The following BLACAT1 variants were observed in gnomAD, a reference collection of about 807,000 sequenced individuals.
The protein encoded by BLACAT1 is BLACAT1 overlapping LEMD1 locus.
intron 1 of BLACAT1, among the ~76,000 whole-genome samples, chr1:205,453,636 C>T (rs559685511): frequency 1.3e-5 from 2 of 152,228 alleles, no homozygotes; most frequent in East Asian, 3.9e-4. Flanking sequence ...ATGAAGATAG[C>T]AAGAGACCCA....
At chr1:205,435,414 T>C (rs927896085), downstream of BLACAT1, 2 of 152,240 alleles carry the variant, frequency 1.3e-5, no homozygotes, top group Non-Finnish European at 2.9e-5. Flanking sequence ...GATTGAAATG[T>C]GGCCATCTTG....
intron 1 of BLACAT1, among the ~76,000 whole-genome samples, chr1:205,453,008 G>A (rs1246666413): frequency 1.3e-5 from 2 of 151,754 alleles, no homozygotes; most frequent in Non-Finnish European, 2.9e-5. Context: ...CCTCAGGGAA[G>A]AGAGTCCCTG....
chr1:205,453,201 C>T (rs1187556640), intron 1 of BLACAT1, among the ~76,000 whole-genome samples: 1 of 152,192 alleles, frequency 6.6e-6, no homozygotes. Context: ...GGTGCAGTCC[C>T]TGGCCCAGAA....
chr1:205,441,590 T>A lies in BLACAT1; in HGVS notation c.-36-528A>T, dbSNP rs770056689. 3.3e-5 allele frequency among the ~76,000 whole-genome samples: 5 copies of A among 152,068 alleles called. No homozygotes were observed. The highest frequency in any genetic ancestry group is 5.9e-5 in the Non-Finnish European group (4 of 67,974). The stretch of plus-strand genomic sequence containing the variant: ...GACCGAGTCAGATTCCTCCCTTCCT[T>A]AACAACCCCAAGTTGTCTGACACCC... On this transcript the variant is annotated intron_variant, in intron 1 of 1. Transcript: ENST00000629624. The surrounding 1 kb of genome is among the most constrained non-coding windows in gnomAD (Gnocchi z 4.3).
chr1:205,445,672 A>G (rs1666376507), intron 1 of BLACAT1, among the ~76,000 whole-genome samples: 1 of 152,202 alleles, frequency 6.6e-6, no homozygotes, highest in Non-Finnish European at 1.5e-5. Flanking sequence ...CAGAGCAGCA[A>G]TAGTCCTGAA....
chr1:205,436,472 C>G (rs1666205898), downstream of BLACAT1: 1 of 151,558 alleles, frequency 6.6e-6, no homozygotes, highest in African/African-American at 2.4e-5. Flanking sequence ...GCGGACTGGC[C>G]ACAATAACCC....
rs566339936 is a variant in BLACAT1 at position 205,448,639 on chromosome 1, G to A, written c.-37+7278C>T. On this transcript the variant is annotated intron_variant, in intron 1 of 1. Coordinates refer to ENST00000629624, the Ensembl canonical transcript of BLACAT1. This position sits in a 1 kb window ranked among gnomAD's most constrained non-coding sequence, Gnocchi z 4.7. ...CACAATGGTCCTCACTCCAGGGTATGAGGAGGGGTGGCTTCCTGGCCATAA... is the reference window on the plus strand; with the variant it reads ...CACAATGGTCCTCACTCCAGGGTATAAGGAGGGGTGGCTTCCTGGCCATAA... Among the ~76,000 whole-genome samples, 103 of 145,560 alleles carry A rather than the reference G, an allele frequency of 7.1e-4. No individual in the cohort carries two copies. Among genetic ancestry groups the A allele is most frequent in the African/African-American group, 2.4e-3 (100 of 41,120 alleles).
At chr1:205,451,315 C>T (rs1317585293) in intron 1 of BLACAT1, among the ~76,000 whole-genome samples, 2 of 152,180 alleles carry the variant, frequency 1.3e-5, no homozygotes, top group African/African-American at 4.8e-5. Context: ...CACCAGTGGC[C>T]TCCTCTCCAC....
downstream of BLACAT1, chr1:205,435,395 A>C (rs1373164910): frequency 3.9e-5 from 6 of 152,362 alleles, no homozygotes; most frequent in East Asian, 1.2e-3. Flanking sequence ...CCCTGTCTTC[A>C]AGAGCCTGGA....
downstream of BLACAT1, among the ~76,000 whole-genome samples, chr1:205,439,614 C>T (rs549860363): frequency 2.0e-4 from 30 of 152,318 alleles, no homozygotes; most frequent in African/African-American, 7.2e-4. Flanking sequence ...TATCTTGGGG[C>T]CTTGCCCTCT....
At position 205,448,699 on chromosome 1, in the gene BLACAT1, C is replaced by T. The variant is rs926261944; in HGVS notation, c.-37+7218G>A. Among the ~76,000 whole-genome samples the T allele has an allele frequency of 6.6e-6, 1 of 152,136 alleles. No homozygotes were observed. Among genetic ancestry groups the T allele is most frequent in the South Asian group, 2.1e-4 (1 of 4,832 alleles). On this transcript the variant is annotated intron_variant, in intron 1 of 1. Coordinates refer to ENST00000629624, the Ensembl canonical transcript of BLACAT1. This position sits in a 1 kb window ranked among gnomAD's most constrained non-coding sequence, Gnocchi z 4.7. ...TCAAATTCCCTTAATTAGCTTCCAG[C>T]CCCCTGCCCAGGGTCCTTAACTACC...
chr1:205,435,096 C>T (rs187724109), downstream of BLACAT1: 1 of 152,276 alleles, frequency 6.6e-6, no homozygotes, highest in Non-Finnish European at 1.5e-5. Flanking sequence ...CGAGGAAGAA[C>T]CTCAGTGCAG....
intron 1 of BLACAT1, among the ~76,000 whole-genome samples, chr1:205,449,511 T>G (rs1033179354): frequency 2.0e-5 from 3 of 152,106 alleles, no homozygotes; most frequent in African/African-American, 7.2e-5. Context: ...GCTGGCTCCC[T>G]GCACAACCCT....
rs539885883 is a variant in BLACAT1, at chr1:205,455,679, G to T, written c.-37+238C>A. Among the ~76,000 whole-genome samples, 117 of 152,274 alleles carry T rather than the reference G, an allele frequency of 7.7e-4. 1 individual carries two copies. The highest frequency in any genetic ancestry group is 2.7e-3 in the African/African-American group (113 of 41,568). The stretch of plus-strand genomic sequence containing the variant: ...TAAAAGGAACAAAGGCAATGGGGGC[G>T]GGGAGGGGGCTTCCTCTTTGGTCGA... On this transcript the variant is annotated intron_variant, in intron 1 of 1. Transcript: ENST00000629624.
At chr1:205,455,388 C>T (rs533857680) in intron 1 of BLACAT1, among the ~76,000 whole-genome samples, 47 of 152,264 alleles carry the variant, frequency 3.1e-4, no homozygotes, top group Non-Finnish European at 5.6e-4. Flanking sequence ...GGCCCACGGA[C>T]ATGGCTTCTC....
At chr1:205,439,047 A>T (rs762606430), downstream of BLACAT1, among the ~76,000 whole-genome samples, 114 of 152,320 alleles carry the variant, frequency 7.5e-4, no homozygotes, top group Admixed American at 3.9e-3. Flanking sequence ...TCTGCCACAG[A>T]AGTGACTTTT....
At position 205,441,678 on chromosome 1, in the gene BLACAT1, A is replaced by G. The variant is rs1666295842; in HGVS notation, c.-36-616T>C. Among the ~76,000 whole-genome samples the G allele has an allele frequency of 6.6e-6, 1 of 152,206 alleles. No homozygotes were observed. Among genetic ancestry groups the G allele is most frequent in the Non-Finnish European group, 1.5e-5 (1 of 68,032 alleles). ...GACTGCTCAGGGCAATGCAAATCCC[A>G]TCCTCACCATGCAGAGAAGAGACAG... On this transcript the variant is annotated intron_variant, in intron 1 of 1. Coordinates refer to ENST00000629624, the Ensembl canonical transcript of BLACAT1. This position sits in a 1 kb window ranked among gnomAD's most constrained non-coding sequence, Gnocchi z 4.3.
downstream of BLACAT1, chr1:205,436,148 G>A (rs61824983): frequency 2.0e-5 from 3 of 152,400 alleles, no homozygotes; most frequent in Non-Finnish European, 4.4e-5. Context: ...ACACGGGAAT[G>A]AGCTGAAGGA....
chr1:205,444,724 G>A (rs1437008935), intron 1 of BLACAT1, among the ~76,000 whole-genome samples: 1 of 152,162 alleles, frequency 6.6e-6, no homozygotes. Context: ...AGAGTGGGCG[G>A]CAGCGGGGGT....
Sources: allele counts gnomAD v4.1 joint callset (sites outside exome capture counted in the v4.1 genomes callset), GRCh38; gene constraint gnomAD v4.1.1; non-coding constraint Gnocchi (gnomAD v3.1); transcripts MANE v1.5; gene names NCBI Gene and HGNC (gene_info 2026-07-23, HGNC 2026-07-21).